RFNG: variants seen among roughly 807,000 people sequenced by gnomAD.
RFNG encodes the protein beta-1,3-N-acetylglucosaminyltransferase radical fringe.
In RFNG, 37 loss-of-function variants were observed where a neutral mutation model predicts 29.6. That is an observed-to-expected ratio of 1.25 (90% CI 0.96 to 1.65). The LOEUF (loss-of-function observed/expected upper bound fraction) is 1.65, where lower values mean the gene tolerates loss of function less well. RFNG is among the 40% of genes most tolerant of loss of function. The pLI, the probability that RFNG is intolerant of heterozygous loss-of-function variation, is 0.00. For missense variants in RFNG, 546 were observed against 457.0 expected (o/e 1.19, Z -1.78); for synonymous variants, 276 against 197.3 (o/e 1.40, Z -3.34).
chr17:82,049,850 G>T lies in RFNG; in HGVS notation c.663-8C>A, dbSNP rs369045117. 3.7e-6 allele frequency: 6 copies of T among 1,605,136 alleles called. No individual in the cohort carries two copies. Among genetic ancestry groups the T allele is most frequent in the Non-Finnish European group, 5.1e-6 (6 of 1,175,886 alleles). On this transcript the variant is annotated splice_region_variant and splice_polypyrimidine_tract_variant and intron_variant, in intron 5 of 7. Transcript: ENST00000310496. ...CTCATGAAGCTGCCCAGGCTGGGGG[G>T]AGGCCGGTCAGCACCTTTCAGGTCT...
At chr17:82,050,631 G>C (rs2030367354) in intron 3 of RFNG, 31 bp downstream of exon 3, 2 of 1,610,780 alleles carry the variant, frequency 1.2e-6, no homozygotes, top group African/African-American at 1.3e-5. Flanking sequence ...TTGGCTCTGA[G>C]CTCTCTGCGG....
chr17:82,050,517 G>A lies in RFNG; in HGVS notation c.458C>T (p.Ala153Val), dbSNP rs767113527. ...GGAGAGCAGGTGCAGGAGGCTCCTG[G>A]CGTTCACATAATTGTCATCATCCAC... is the stretch of plus-strand genomic sequence containing the variant. The part of the protein sequence containing the change: ...CHVDDDNYVN[A>V]RSLLHLLSSF... Residue 153 changes from alanine to valine, a missense_variant, in exon 4 of 8, where the codon GCC becomes GTC. Physicochemically the swap from Ala to Val is moderately conservative, Grantham distance 64. Transcript: ENST00000310496. 3.7e-6 allele frequency: 6 copies of A among 1,612,860 alleles called. No homozygotes were observed. The highest frequency in any genetic ancestry group is 1.6e-4 in the Middle Eastern group (1 of 6,062).
chr17:82,050,111 C>T (rs1030395648), intron 4 of RFNG, 105 bp from the exon 5 acceptor site: 3 of 1,031,180 alleles, frequency 2.9e-6, no homozygotes, highest in Admixed American at 4.5e-5. Context: ...TTAGGAGATC[C>T]CACCCAGGTA....
At position 82,048,363 on chromosome 17, in the gene RFNG, C is replaced by T. The variant is rs1027969516; in HGVS notation, c.*363G>A. 5 of 287,504 alleles carry T rather than the reference C, an allele frequency of 1.7e-5. No individual in the cohort carries two copies. Among genetic ancestry groups the T allele is most frequent in the Non-Finnish European group, 2.7e-5 (4 of 146,962 alleles). 17.8% of individuals were successfully genotyped at this position (287,504 alleles called of 1,614,324 possible). On this transcript the variant is annotated 3_prime_UTR_variant, in exon 8 of 8. Coordinates refer to ENST00000310496, the MANE Select transcript of RFNG (RefSeq NM_002917.2). Reference sequence around the variant, plus strand: ...GGCCTGGAGCCTGCTCCTTGACACCCAGCCAGCCTAGCACCCGCCTTCAGC... The same window carrying T: ...GGCCTGGAGCCTGCTCCTTGACACCTAGCCAGCCTAGCACCCGCCTTCAGC...
In RFNG at chr17:82,051,734, G is replaced by C; in HGVS notation, c.33C>G (p.Ala11=). 9.4e-7 allele frequency: 1 copy of C among 1,068,358 alleles called. No individual in the cohort carries two copies. The highest frequency in any genetic ancestry group is 4.3e-5 in the South Asian group (1 of 23,264). The allele number at this position is 1,068,358 out of a possible 1,614,324, so 66.2% of individuals were successfully genotyped here. Reference sequence around the variant, plus strand: ...CCAGGGCCGCGGCCAGCGCGAGGCAGGCCCGGCACAGCGCCCCACGCGCGC... The same window carrying C: ...CCAGGGCCGCGGCCAGCGCGAGGCACGCCCGGCACAGCGCCCCACGCGCGC... MSRARGALCR[A]CLALAAALAA... Residue 11 remains alanine, a synonymous_variant, in exon 1 of 8, where the codon GCC becomes GCG. Transcript: ENST00000310496. The surrounding 1 kb of genome is among the most constrained non-coding windows in gnomAD (Gnocchi z 4.1).
At position 82,048,535 on chromosome 17, in the gene RFNG, C is replaced by A; in HGVS notation, c.*191G>T. The A allele has an allele frequency of 1.7e-6, 1 of 603,908 alleles. No homozygotes were observed. Among genetic ancestry groups the A allele is most frequent in the Non-Finnish European group, 3.0e-6 (1 of 338,502 alleles). 37.4% of individuals were successfully genotyped at this position (603,908 alleles called of 1,614,324 possible). A position where few individuals can be genotyped will look rare whatever the true frequency, so the allele number is the denominator to read the frequency against. On this transcript the variant is annotated 3_prime_UTR_variant, in exon 8 of 8. Transcript: ENST00000310496. ...ATCAGCCTGGCTGTCTTCGTTCTCC[C>A]AAAACACCCATCACCGCAGCCCACC...
At position 82,051,250 on chromosome 17, in the gene RFNG, C is replaced by T. The variant is rs2030514157; in HGVS notation, c.316+44G>A. The T allele has an allele frequency of 7.5e-7, 1 of 1,334,446 alleles. No homozygotes were observed. The highest frequency in any genetic ancestry group is 3.7e-5 in the Admixed American group (1 of 26,890). The allele number at this position is 1,334,446 out of a possible 1,614,324, so 82.7% of individuals were successfully genotyped here. On this transcript the variant is annotated intron_variant, in intron 2 of 7. Coordinates refer to ENST00000310496, the MANE Select transcript of RFNG (RefSeq NM_002917.2). The surrounding 1 kb of genome is among the most constrained non-coding windows in gnomAD (Gnocchi z 4.1). The stretch of plus-strand genomic sequence containing the variant: ...CCGTGGCTTCGGAGCGAGAAAGGCT[C>T]GGGGGGCAGATCCCGCGGGCGCCGG...
In RFNG at chr17:82,048,429, C is replaced by T. The variant is rs2030059775; in HGVS notation, c.*297G>A. The T allele has an allele frequency of 1.9e-5, 8 of 432,072 alleles. No individual in the cohort carries two copies. The highest frequency in any genetic ancestry group is 4.0e-5 in the African/African-American group (2 of 49,590). The allele number at this position is 432,072 out of a possible 1,614,324, so 26.8% of individuals were successfully genotyped here. ...CCGGATGGCAGCTCCCTCCCAGGTG[C>T]GCAAGTGCTGGGGTGGAAGCCTGTT... On this transcript the variant is annotated 3_prime_UTR_variant, in exon 8 of 8. Transcript: ENST00000310496.
rs1320937142 is a variant in RFNG at position 82,048,256 on chromosome 17, A to T, written c.*470T>A. On this transcript the variant is annotated 3_prime_UTR_variant, in exon 8 of 8. Coordinates refer to ENST00000310496, the MANE Select transcript of RFNG (RefSeq NM_002917.2). ...CACTGTGGTGCCCGGCCGTGCACCC[A>T]GCCTGCGGCAGAGAGGGCGGCGTCC... The T allele has an allele frequency of 5.3e-6, 1 of 189,690 alleles. No individual in the cohort carries two copies. Among genetic ancestry groups the T allele is most frequent in the Non-Finnish European group, 1.1e-5 (1 of 90,700 alleles). The allele number at this position is 189,690 out of a possible 1,614,324, so 11.8% of individuals were successfully genotyped here.
At chr17:82,049,608 TG>T in intron 6 of RFNG, 68 bp downstream of exon 6, 1 of 1,459,412 alleles carries the variant, frequency 6.9e-7, no homozygotes, top group Non-Finnish European at 9.1e-7. Context: ...GCCGGGGCAG[TG>T]GGGCCCCTGG....
In RFNG at chr17:82,051,528, CGCA is replaced by C. The variant is rs1231870446; in HGVS notation, c.236_238del (p.Leu79del). 1 of 1,398,106 alleles carries C rather than the reference CGCA, an allele frequency of 7.2e-7. No individual in the cohort carries two copies. Among genetic ancestry groups the C allele is most frequent in the South Asian group, 1.5e-5 (1 of 65,014 alleles). 86.6% of individuals were successfully genotyped at this position (1,398,106 alleles called of 1,614,324 possible). ...CTGGCGGGCCCGGGAGATCCAGGTGCGCAGCAGCAGCCGCAGGCGCGGCCCGTG... is the reference window on the plus strand; with the variant it reads ...CTGGCGGGCCCGGGAGATCCAGGTGCGCAGCAGCCGCAGGCGCGGCCCGTG... On this transcript the variant is annotated inframe_deletion, in exon 1 of 8. Transcript: ENST00000310496. This position sits in a 1 kb window ranked among gnomAD's most constrained non-coding sequence, Gnocchi z 4.1.
rs878996722 is a variant in RFNG at position 82,050,763 on chromosome 17, G to T, written c.318C>A (p.Gly106=). Residue 106 remains glycine (G), a splice_region_variant and synonymous_variant, in exon 3 of 8, where the codon GGC becomes GGA. Coordinates refer to ENST00000310496, the MANE Select transcript of RFNG (RefSeq NM_002917.2). ...GDDPELELQG[G]DRVINTNCSA... is the part of the protein sequence containing the mutation. ...AGCAGTTGGTGTTGATGACACGGTC[G>T]CCTGCGAATCAGAGACGGGAAGCAC... 5 of 1,612,562 alleles carry T rather than the reference G, an allele frequency of 3.1e-6. No individual in the cohort carries two copies. The South Asian group carries it at 4.4e-5, about 14-fold the overall frequency.
chr17:82,050,908 C>G (rs375710680), intron 2 of RFNG, 144 bp from the exon 3 acceptor site: 1 of 1,408,088 alleles, frequency 7.1e-7, no homozygotes, highest in African/African-American at 1.4e-5. Flanking sequence ...AACCACAGCC[C>G]TAGCCCTCAC....
rs1284489492 is a variant in RFNG, at chr17:82,048,504, C to T, written c.*222G>A. The T allele has an allele frequency of 6.1e-5, 35 of 574,164 alleles. No individual in the cohort carries two copies. The East Asian group carries it at 6.1e-4, about 10-fold the overall frequency. The allele number at this position is 574,164 out of a possible 1,614,324, so 35.6% of individuals were successfully genotyped here. A position where few individuals can be genotyped will look rare whatever the true frequency, so the allele number is the denominator to read the frequency against. ...GGTCGGGGGGAGGGGCACTGCGGCC[C>T]TGGCCATCAGCCTGGCTGTCTTCGT... On this transcript the variant is annotated 3_prime_UTR_variant, in exon 8 of 8. Transcript: ENST00000310496.
At chr17:82,050,035 C>A in intron 4 of RFNG, 29 bp from the exon 5 acceptor site, 6 of 1,566,658 alleles carry the variant, frequency 3.8e-6, no homozygotes, top group Admixed American at 1.8e-5. Context: ...TCAGAGCTGC[C>A]CAGGACAGGG....
At position 82,050,768 on chromosome 17, in the gene RFNG, C is replaced by A. The variant is rs755471025; in HGVS notation, c.317-4G>T. 3.7e-6 allele frequency: 6 copies of A among 1,612,302 alleles called. No homozygotes were observed. The East Asian group carries it at 8.9e-5, about 24-fold the overall frequency. On this transcript the variant is annotated splice_region_variant and splice_polypyrimidine_tract_variant and intron_variant, in intron 2 of 7. Coordinates refer to ENST00000310496, the MANE Select transcript of RFNG (RefSeq NM_002917.2). ...TTGGTGTTGATGACACGGTCGCCTG[C>A]GAATCAGAGACGGGAAGCACGCACG...
chr17:82,050,097 C>T, intron 4 of RFNG, 91 bp from the exon 5 acceptor site: 1 of 1,155,650 alleles, frequency 8.7e-7, no homozygotes, highest in South Asian at 1.3e-5. Flanking sequence ...TCTTAAGCTG[C>T]CCCTTAGGAG....
Position 82,051,737 on chromosome 17 carries a change from C to A in RFNG, c.30G>T (p.Arg10=). Residue 10 remains arginine, a synonymous_variant, in exon 1 of 8, where the codon CGG becomes CGT. Coordinates refer to ENST00000310496, the MANE Select transcript of RFNG (RefSeq NM_002917.2). The surrounding 1 kb of genome is among the most constrained non-coding windows in gnomAD (Gnocchi z 4.1). ...GGGCCGCGGCCAGCGCGAGGCAGGCCCGGCACAGCGCCCCACGCGCGCGGC... is the reference window on the plus strand; with the variant it reads ...GGGCCGCGGCCAGCGCGAGGCAGGCACGGCACAGCGCCCCACGCGCGCGGC... MSRARGALC[R]ACLALAAALA... The A allele has an allele frequency of 9.3e-7, 1 of 1,071,636 alleles. No homozygotes were observed. The highest frequency in any genetic ancestry group is 1.1e-6 in the Non-Finnish European group (1 of 887,602). The allele number at this position is 1,071,636 out of a possible 1,614,324, so 66.4% of individuals were successfully genotyped here.
chr17:82,049,883 C>CGCCTCCCA, intron 5 of RFNG, 35 bp downstream of exon 5: 1 of 1,611,242 alleles, frequency 6.2e-7, no homozygotes, highest in Non-Finnish European at 8.5e-7. Flanking sequence ...TCTCAGCCTC[C>CGCCTCCCA]GCCTCCCAGC....
Sources: allele counts gnomAD v4.1 joint callset, GRCh38; gene constraint gnomAD v4.1.1; non-coding constraint Gnocchi (gnomAD v3.1); transcripts MANE v1.5; gene names NCBI Gene and HGNC (gene_info 2026-07-23, HGNC 2026-07-21).